Variants in CFAP20DC observed in about 807,000 individuals in gnomAD.
CFAP20DC encodes CFAP20 domain containing.
A neutral mutation model predicts 101.7 loss-of-function variants in CFAP20DC; 84 were observed. The ratio of observed to expected loss-of-function variants is 0.83; its 90% CI spans 0.69 to 0.99. The LOEUF (loss-of-function observed/expected upper bound fraction) is 0.99, where lower values mean the gene tolerates loss of function less well. Among genes scored for constraint, CFAP20DC ranks in the 50% least tolerant of loss-of-function variants. The pLI is 0.00. For synonymous variants in CFAP20DC, 359 were observed against 351.2 expected, an observed-to-expected ratio of 1.02 and a Z score of -0.25; for missense variants, 1,007 against 970.3, an observed-to-expected ratio of 1.04 and a Z score of -0.50.
chr3:58,862,339 T>C, intron 12 of CFAP20DC: 1 of 985,436 alleles, frequency 1.0e-6, no homozygotes, highest in Non-Finnish European at 1.2e-6. Context: ...TGAAGACAAA[T>C]GTCCATGTTT....
At chr3:59,047,096 C>T in intron 2 of CFAP20DC, 69 bp downstream of exon 2, 1 of 1,010,374 alleles carries the variant, frequency 9.9e-7, no homozygotes, top group Non-Finnish European at 1.5e-6. Context: ...TTTGATCACG[C>T]CCTTTCTTCT....
chr3:58,854,898 G>C (rs1219549323), intron 12 of CFAP20DC, among the ~76,000 whole-genome samples: 1 of 141,732 alleles, frequency 7.1e-6, no homozygotes, highest in Non-Finnish European at 1.5e-5. Context: ...AGAAAACCTA[G>C]GCATTACCAT....
chr3:58,753,647 G>T, intron 16 of CFAP20DC, 122 bp downstream of exon 16: 1 of 705,222 alleles, frequency 1.4e-6, no homozygotes, highest in Non-Finnish European at 2.5e-6. Flanking sequence ...ACCTCATTTA[G>T]GGTGTGTAAG....
In CFAP20DC at chr3:59,049,994, G is replaced by A. The variant is rs895261340; in HGVS notation, c.-363C>T. The A allele has an allele frequency of 7.3e-5, 18 of 247,758 alleles. No individual in the cohort carries two copies. The highest frequency in any genetic ancestry group is 4.3e-4 in the East Asian group (5 of 11,632). The allele number at this position is 247,758 out of a possible 1,614,324, so 15.3% of individuals were successfully genotyped here. ...CCGCCCGCTGGCCTAGGAAAAGCGG[G>A]CGCGCTCCCGCTGCCGCCCCACCCC... On this transcript the variant is annotated 5_prime_UTR_variant, in exon 1 of 17. Transcript: ENST00000482387.
At chr3:58,928,572 G>A (rs762741486) in intron 5 of CFAP20DC, among the ~76,000 whole-genome samples, 8 of 152,070 alleles carry the variant, frequency 5.3e-5, no homozygotes, top group South Asian at 2.1e-4. Context: ...CAGATTCTAC[G>A]TTCTTAACCC....
chr3:58,733,869 A>G (rs1246575807), intron 3 of CFAP20DC, among the ~76,000 whole-genome samples: 1 of 152,166 alleles, frequency 6.6e-6, no homozygotes, highest in Non-Finnish European at 1.5e-5. Context: ...TTTTCAGAGT[A>G]TTAATAAAAC....
At chr3:58,984,093 A>G (rs905620338) in intron 4 of CFAP20DC, among the ~76,000 whole-genome samples, 6 of 152,226 alleles carry the variant, frequency 3.9e-5, no homozygotes, top group East Asian at 1.9e-4. Flanking sequence ...AAGAATGCTT[A>G]TAAGTTTGGC....
At chr3:58,853,624 T>A (rs59385021) in intron 12 of CFAP20DC, among the ~76,000 whole-genome samples, 9 of 151,554 alleles carry the variant, frequency 5.9e-5, no homozygotes, top group South Asian at 2.1e-4. Flanking sequence ...CACATCAAAA[T>A]GCTTATCCAC....
chr3:59,005,505 T>C (rs1477447884), intron 4 of CFAP20DC, among the ~76,000 whole-genome samples: 1 of 152,228 alleles, frequency 6.6e-6, no homozygotes, highest in Non-Finnish European at 1.5e-5. Context: ...TGAGAGACTA[T>C]AATATACTTA....
chr3:58,809,029 T>C (rs1030154205), intron 14 of CFAP20DC, among the ~76,000 whole-genome samples: 12 of 151,902 alleles, frequency 7.9e-5, no homozygotes, highest in African/African-American at 2.7e-4. Context: ...CCTAAATATA[T>C]ATGCACCCAA....
At chr3:58,921,366 A>C (rs1233022730) in intron 5 of CFAP20DC, among the ~76,000 whole-genome samples, 1 of 152,086 alleles carries the variant, frequency 6.6e-6, no homozygotes, top group Non-Finnish European at 1.5e-5. Flanking sequence ...GAATGTAATC[A>C]TTAAAAGCTA....
At chr3:58,810,357 G>A (rs2074507814) in intron 14 of CFAP20DC, among the ~76,000 whole-genome samples, 1 of 152,124 alleles carries the variant, frequency 6.6e-6, no homozygotes, top group Non-Finnish European at 1.5e-5. Flanking sequence ...TATCCACCAT[G>A]ATCAAGTGGG....
chr3:58,837,850 A>G lies in CFAP20DC; in HGVS notation c.1972-5961T>C, dbSNP rs1424460199. On this transcript the variant is annotated intron_variant, in intron 13 of 16. Transcript: ENST00000482387. ...AAGCTAATTTTAAACTTCAACTGCC[A>G]TTTGAATTCGAGGATTAATCTTCTC... 2.6e-5 allele frequency among the ~76,000 whole-genome samples: 4 copies of G among 152,190 alleles called. No individual in the cohort carries two copies. In the East Asian group the frequency reaches 7.7e-4, roughly 29 times the overall value.
In CFAP20DC at chr3:59,018,472, T is replaced by A. The variant is rs1405183968; in HGVS notation, c.278+21085A>T. The A allele has an allele frequency of 2.0e-5, 3 of 152,086 alleles. No individual in the cohort carries two copies. In the East Asian group the frequency reaches 5.8e-4, roughly 29 times the overall value. The allele number at this position is 152,086 out of a possible 1,614,324, so 9.4% of individuals were successfully genotyped here. A position where few individuals can be genotyped will look rare whatever the true frequency, so the allele number is the denominator to read the frequency against. On this transcript the variant is annotated intron_variant, in intron 4 of 16. Coordinates refer to ENST00000482387, the MANE Select transcript of CFAP20DC (RefSeq NM_001394063.1). ...CTTAACCAAGTGATTGAAGTTAACATCAGCTGTAAACATCATAAGCCTCCT... is the reference window on the plus strand; with the variant it reads ...CTTAACCAAGTGATTGAAGTTAACAACAGCTGTAAACATCATAAGCCTCCT...
intron 6 of CFAP20DC, among the ~76,000 whole-genome samples, chr3:58,908,261 C>T (rs1056958002): frequency 2.6e-5 from 4 of 152,058 alleles, no homozygotes; most frequent in Admixed American, 6.6e-5. Flanking sequence ...TAGCTTTATA[C>T]TAATATTTTT....
chr3:58,734,787 CA>C (rs1435430355), intron 3 of CFAP20DC, among the ~76,000 whole-genome samples: 1 of 152,170 alleles, frequency 6.6e-6, no homozygotes, highest in Non-Finnish European at 1.5e-5. Context: ...TCAGTTCCTT[CA>C]CAGCCCAAAG....
chr3:58,793,289 C>T (rs1400970119), intron 15 of CFAP20DC, among the ~76,000 whole-genome samples: 1 of 152,126 alleles, frequency 6.6e-6, no homozygotes, highest in African/African-American at 2.4e-5. Context: ...TCATTCCTTT[C>T]CTAATACATA....
intron 6 of CFAP20DC, among the ~76,000 whole-genome samples, chr3:58,888,717 G>T (rs1172881319): frequency 6.6e-6 from 1 of 152,200 alleles, no homozygotes; most frequent in Non-Finnish European, 1.5e-5. Context: ...CCATGTCCCT[G>T]CAAAGGACAA....
At chr3:58,759,531 C>G (rs374043280) in intron 15 of CFAP20DC, among the ~76,000 whole-genome samples, 1 of 152,138 alleles carries the variant, frequency 6.6e-6, no homozygotes, top group Admixed American at 6.5e-5. Flanking sequence ...AGAAGCTCTT[C>G]AGTTTAATTA....
Sources: allele counts gnomAD v4.1 joint callset (sites outside exome capture counted in the v4.1 genomes callset), GRCh38; gene constraint gnomAD v4.1.1; transcripts MANE v1.5; gene names NCBI Gene and HGNC (gene_info 2026-07-23, HGNC 2026-07-21).